ADGRA3: variants seen among roughly 807,000 people sequenced by gnomAD.
ADGRA3 encodes adhesion G protein-coupled receptor A3.
In ADGRA3, 56 loss-of-function variants were observed where a neutral mutation model predicts 119.8. That is an observed-to-expected ratio of 0.47 (90% CI 0.38 to 0.58). The LOEUF is 0.58. Ranked by LOEUF, ADGRA3 falls within the 20% of genes least tolerant of loss-of-function variation. The pLI, the probability that ADGRA3 is intolerant of heterozygous loss-of-function variation, is 0.00. For synonymous variants in ADGRA3, 607 were observed against 623.8 expected, an observed-to-expected ratio of 0.97 and a Z score of 0.40; for missense variants, 1,516 against 1,649.0, an observed-to-expected ratio of 0.92 and a Z score of 1.40.
chr4:22,507,996 C>T (rs77838428), intron 1 of ADGRA3, among the ~76,000 whole-genome samples: 1,993 of 152,310 alleles, frequency 0.013, 18 homozygotes, highest in Non-Finnish European at 0.02. Flanking sequence ...CGTCTTCTAT[C>T]CCCAACTTTT....
At chr4:22,448,194 C>A (rs1327296766) in intron 4 of ADGRA3, among the ~76,000 whole-genome samples, 2 of 152,110 alleles carry the variant, frequency 1.3e-5, no homozygotes, top group Non-Finnish European at 2.9e-5. Flanking sequence ...TTCTTTCATA[C>A]CGGACGATGA....
chr4:22,427,124 T>C (rs910753976), intron 10 of ADGRA3, among the ~76,000 whole-genome samples: 1 of 152,094 alleles, frequency 6.6e-6, no homozygotes, highest in Admixed American at 6.6e-5. Context: ...ATAAAAGAGG[T>C]AAAAGAGATA....
chr4:22,424,489 G>C, intron 10 of ADGRA3, 137 bp from the exon 11 acceptor site: 2 of 859,330 alleles, frequency 2.3e-6, no homozygotes, highest in Non-Finnish European at 3.6e-6. Context: ...CACTTTACTT[G>C]TTTCTCATGA....
chr4:22,501,618 T>A (rs1337613912), intron 1 of ADGRA3, among the ~76,000 whole-genome samples: 1 of 151,974 alleles, frequency 6.6e-6, no homozygotes, highest in Non-Finnish European at 1.5e-5. Context: ...ACGTTTCCTT[T>A]CCATTGTAAA....
intron 1 of ADGRA3, among the ~76,000 whole-genome samples, chr4:22,486,375 T>A (rs1718433299): frequency 6.6e-6 from 1 of 152,192 alleles, no homozygotes; most frequent in South Asian, 2.1e-4. Context: ...ACGGCTTGGT[T>A]TCTAGCCCAT....
In ADGRA3 at chr4:22,388,914, G is replaced by GGCTC. The variant is rs1560291351; in HGVS notation, c.2753_2756dup (p.Phe920SerfsTer29). The GGCTC allele has an allele frequency of 6.2e-7, 1 of 1,614,060 alleles. No homozygotes were observed. On this transcript the variant is annotated frameshift_variant, in exon 19 of 19. Coordinates refer to ENST00000334304, the MANE Select transcript of ADGRA3 (RefSeq NM_145290.4). LOFTEE classifies it high-confidence loss of function. ...TGATGAAGCTGGCTGGCCCATAGAA[G>GGCTC]GCTCCCAAGGAGGGTTCCCATGCCA... is the stretch of plus-strand genomic sequence containing the variant.
At chr4:22,438,106 GA>G in intron 8 of ADGRA3, 149 bp downstream of exon 8, 1 of 565,398 alleles carries the variant, frequency 1.8e-6, no homozygotes, top group Admixed American at 2.7e-5. Context: ...CTCCATATGT[GA>G]TTCTGAAATC....
At chr4:22,401,190 T>A (rs558122556) in intron 16 of ADGRA3, among the ~76,000 whole-genome samples, 6 of 152,316 alleles carry the variant, frequency 3.9e-5, no homozygotes. Context: ...ATAATAGCCA[T>A]AACGTGTAAC....
chr4:22,429,118 T>TA lies in ADGRA3; in HGVS notation c.1444-4767dup, dbSNP rs938585144. Among the ~76,000 whole-genome samples the TA allele has an allele frequency of 1.9e-3, 289 of 152,002 alleles. 1 individual carries two copies. Among genetic ancestry groups the TA allele is most frequent in the African/African-American group, 6.6e-3 (274 of 41,476 alleles). On this transcript the variant is annotated intron_variant, in intron 10 of 18. Transcript: ENST00000334304. ...CATAAAGTCCACACATTCAAAACTT[T>TA]AAAAAAAACTGAACAATAAATTTAG...
At chr4:22,491,647 G>C (rs533529128) in intron 1 of ADGRA3, among the ~76,000 whole-genome samples, 1 of 152,122 alleles carries the variant, frequency 6.6e-6, no homozygotes, top group African/African-American at 2.4e-5. Context: ...GAATCCTCAG[G>C]GTCCTTTAAG....
intron 1 of ADGRA3, among the ~76,000 whole-genome samples, chr4:22,499,883 T>C (rs1450142248): frequency 6.6e-6 from 1 of 152,202 alleles, no homozygotes; most frequent in South Asian, 2.1e-4. Context: ...CAGTTACAGG[T>C]TGCATAGCCC....
chr4:22,503,787 G>A (rs1400982925), intron 1 of ADGRA3, among the ~76,000 whole-genome samples: 3 of 152,178 alleles, frequency 2.0e-5, no homozygotes, highest in Non-Finnish European at 4.4e-5. Context: ...TACTGTGTAT[G>A]ATGTTTACAG....
At position 22,421,520 on chromosome 4, in the gene ADGRA3, C is replaced by T. The variant is rs1715679319; in HGVS notation, c.1606-431G>A. On this transcript the variant is annotated intron_variant, in intron 11 of 18. Coordinates refer to ENST00000334304, the MANE Select transcript of ADGRA3 (RefSeq NM_145290.4). The stretch of plus-strand genomic sequence containing the variant: ...ATTAGTTTGGGAAATGCACTCGACA[C>T]ATCTGGCCATATTTACCTATTTCTT... Among the ~76,000 whole-genome samples the T allele has an allele frequency of 2.0e-5, 3 of 152,196 alleles. No individual in the cohort carries two copies. In the South Asian group the frequency reaches 6.2e-4, roughly 32 times the overall value.
intron 1 of ADGRA3, among the ~76,000 whole-genome samples, chr4:22,512,077 T>C (rs1719469376): frequency 6.6e-6 from 1 of 151,870 alleles, no homozygotes; most frequent in South Asian, 2.1e-4. Flanking sequence ...ATATCTGTAT[T>C]TTTAGTAGAG....
intron 1 of ADGRA3, among the ~76,000 whole-genome samples, chr4:22,475,849 G>A (rs1169118009): frequency 1.3e-5 from 2 of 152,130 alleles, no homozygotes; most frequent in Non-Finnish European, 2.9e-5. Flanking sequence ...GGTGATGGGT[G>A]CACCAAAATA....
chr4:22,466,667 T>A (rs1014864272), intron 2 of ADGRA3, among the ~76,000 whole-genome samples: 2 of 150,404 alleles, frequency 1.3e-5, no homozygotes, highest in Non-Finnish European at 3.0e-5. Context: ...AGTGCCGAGA[T>A]CACACCACCG....
rs1395845229 is a variant in ADGRA3, at chr4:22,516,052, G to C, written c.-268C>G. 2.5e-5 allele frequency: 4 copies of C among 157,736 alleles called. No individual in the cohort carries two copies. The highest frequency in any genetic ancestry group is 9.7e-5 in the African/African-American group (4 of 41,238). The allele number at this position is 157,736 out of a possible 1,614,324, so 9.8% of individuals were successfully genotyped here. A position where few individuals can be genotyped will look rare whatever the true frequency, so the allele number is the denominator to read the frequency against. On this transcript the variant is annotated 5_prime_UTR_variant, in exon 1 of 19. Coordinates refer to ENST00000334304, the MANE Select transcript of ADGRA3 (RefSeq NM_145290.4). ...CGCCTCCTCCTCCTCCTCTGCCGCC[G>C]CCGCCGCCGCCACTGCCTCCTCCCC...
chr4:22,417,050 T>G (rs570611850), intron 12 of ADGRA3, among the ~76,000 whole-genome samples: 1 of 152,284 alleles, frequency 6.6e-6, no homozygotes, highest in South Asian at 2.1e-4. Context: ...AATAAAATAC[T>G]AATTTATCTA....
intron 7 of ADGRA3, 101 bp from the exon 8 acceptor site, chr4:22,438,521 A>G: frequency 1.1e-6 from 1 of 877,268 alleles, no homozygotes; most frequent in Admixed American, 2.7e-5. Context: ...TTTTGAATGC[A>G]TATTGTGGGG....
Sources: allele counts gnomAD v4.1 joint callset (sites outside exome capture counted in the v4.1 genomes callset), GRCh38; gene constraint gnomAD v4.1.1; transcripts MANE v1.5; gene names NCBI Gene and HGNC (gene_info 2026-07-23, HGNC 2026-07-21).